The following TBKBP1 variants were observed in gnomAD, a reference collection of about 807,000 sequenced individuals.
TBKBP1 encodes TANK-binding kinase 1-binding protein 1.
Under a neutral mutation model 69.9 loss-of-function variants are expected in TBKBP1, and 47 were observed. The ratio of observed to expected loss-of-function variants is 0.67; its 90% CI spans 0.53 to 0.86. The LOEUF is 0.86. Ranked by LOEUF, TBKBP1 falls within the 40% of genes least tolerant of loss-of-function variation. The probability of loss-of-function intolerance (pLI) is 0.00; values close to 1 mark genes in which losing one functional copy is unlikely to be tolerated. For missense variants in TBKBP1, 831 were observed against 858.6 expected, an observed-to-expected ratio of 0.97 and a Z score of 0.40; for synonymous variants, 418 against 390.3, an observed-to-expected ratio of 1.07 and a Z score of -0.84.
chr17:47,697,081 T>A lies in TBKBP1; in HGVS notation c.349-8T>A, dbSNP rs373424567. On this transcript the variant is annotated splice_polypyrimidine_tract_variant and splice_region_variant and intron_variant, in intron 3 of 9. Transcript: ENST00000578982. ...ACCCTGTGGTGGGGCCCTCTGGGCCTCATCCAGTTACAGAAGAACAAGGAG... is the reference window on the plus strand; with the variant it reads ...ACCCTGTGGTGGGGCCCTCTGGGCCACATCCAGTTACAGAAGAACAAGGAG... 1.2e-6 allele frequency: 2 copies of A among 1,607,306 alleles called. No individual in the cohort carries two copies. The highest frequency in any genetic ancestry group is 1.7e-6 in the Non-Finnish European group (2 of 1,176,890).
At chr17:47,701,140 A>G (rs533407068) in intron 7 of TBKBP1, among the ~76,000 whole-genome samples, 1 of 152,248 alleles carries the variant, frequency 6.6e-6, no homozygotes, top group South Asian at 2.1e-4. Context: ...GCTTCTGGCC[A>G]ACTGGGGATA....
chr17:47,696,603 A>G, intron 2 of TBKBP1, 108 bp from the exon 3 acceptor site: 2 of 1,545,512 alleles, frequency 1.3e-6, no homozygotes, highest in Non-Finnish European at 1.8e-6. Context: ...GCCAAGGAGA[A>G]GGAGGGTCAA....
intron 1 of TBKBP1, chr17:47,694,756 C>T (rs1423377184): frequency 2.0e-5 from 3 of 148,248 alleles, no homozygotes; most frequent in African/African-American, 7.5e-5. Context: ...GCGCGCGGAG[C>T]TGGGGGGAGG....
At position 47,696,824 on chromosome 17, in the gene TBKBP1, C is replaced by A. The variant is rs760641888; in HGVS notation, c.339C>A (p.Phe113Leu). Residue 113 changes from phenylalanine to leucine, a missense_variant, in exon 3 of 10, where the codon TTC (phenylalanine) becomes TTA (leucine). Coordinates refer to ENST00000578982, the MANE Select transcript of TBKBP1 (RefSeq NM_001394755.1). ...GCCTGCAGCAACGGCTCAACCAGTT[C>A]CAGCATGAGGTGAGCCTACCAGGCT... ...KVSLQQRLNQFQHELQKNKEQ... is the reference protein window; with the variant it reads ...KVSLQQRLNQLQHELQKNKEQ... The A allele has an allele frequency of 1.2e-6, 2 of 1,613,814 alleles. No individual in the cohort carries two copies. The highest frequency in any genetic ancestry group is 1.3e-5 in the African/African-American group (1 of 75,058).
chr17:47,696,564 A>G (rs572595135), intron 2 of TBKBP1, 147 bp from the exon 3 acceptor site: 3 of 1,335,520 alleles, frequency 2.2e-6, no homozygotes, highest in South Asian at 2.6e-5. Context: ...GGAGATGGCT[A>G]CAGACCCATG....
At position 47,699,467 on chromosome 17, in the gene TBKBP1, TGAAGCAGC is replaced by T; in HGVS notation, c.783_790del (p.Lys262AlafsTer26). ...GAGTGCGAGCGGCTGCAGGGGGAGC[TGAAGCAGC>T]TGCAGGAGACCCGGGCCCAGGTAAA... On this transcript the variant is annotated frameshift_variant, in exon 6 of 10. Transcript: ENST00000578982. LOFTEE classifies it high-confidence loss of function. The T allele has an allele frequency of 6.4e-7, 1 of 1,574,710 alleles. No individual in the cohort carries two copies. The highest frequency in any genetic ancestry group is 8.6e-7 in the Non-Finnish European group (1 of 1,160,852).
Position 47,699,676 on chromosome 17 carries a change from T to C in TBKBP1, c.851T>C (p.Val284Ala). The C allele has an allele frequency of 6.2e-7, 1 of 1,613,754 alleles. No homozygotes were observed. The highest frequency in any genetic ancestry group is 1.1e-5 in the South Asian group (1 of 91,060). The change falls in exon 7 of 10, where the codon GTG (valine) becomes GCG (alanine). Residue 284 changes from valine (V) to alanine (A), a missense_variant. Transcript: ENST00000578982. ...CAGTCGGAGCGAGACATGGCGTGGG[T>C]GAAAAGAGTTGGGGATGATCAGTAA... is the stretch of plus-strand genomic sequence containing the variant. Reference protein sequence around the residue: ...SNQSERDMAWVKRVGDDQVNL... With the variant: ...SNQSERDMAWAKRVGDDQVNL...
intron 2 of TBKBP1, among the ~76,000 whole-genome samples, 166 bp from the exon 3 acceptor site, chr17:47,696,545 C>T (rs1367253246): frequency 1.3e-5 from 2 of 152,056 alleles, no homozygotes; most frequent in East Asian, 3.9e-4. Flanking sequence ...AAAACAGATC[C>T]GGTGGGTGGG....
intron 7 of TBKBP1, among the ~76,000 whole-genome samples, chr17:47,702,269 T>C (rs2031535782): frequency 6.6e-6 from 1 of 152,146 alleles, no homozygotes; most frequent in Non-Finnish European, 1.5e-5. Flanking sequence ...CAAGTAGGCT[T>C]TTCCGGGAGT....
At position 47,696,128 on chromosome 17, in the gene TBKBP1, G is replaced by A. The variant is rs1298902236; in HGVS notation, c.16G>A (p.Glu6Lys). The change falls in exon 2 of 10, where the codon GAG becomes AAG. Residue 6 changes from glutamate (E) to lysine (K), a missense_variant. Transcript: ENST00000578982. Reference protein sequence around the residue: MESMFEDDISILTQEA... With the variant: MESMFKDDISILTQEA... ...GGCCCTCACCATGGAGTCCATGTTC[G>A]AGGACGACATCAGCATCCTGACGCA... The A allele has an allele frequency of 3.1e-6, 5 of 1,611,710 alleles. No homozygotes were observed. The highest frequency in any genetic ancestry group is 4.2e-6 in the Non-Finnish European group (5 of 1,179,234).
Position 47,699,331 on chromosome 17 carries a change from G to T in TBKBP1, c.646G>T (p.Gly216Cys). 6.5e-7 allele frequency: 1 copy of T among 1,529,216 alleles called. No homozygotes were observed. 94.7% of individuals were successfully genotyped at this position (1,529,216 alleles called of 1,614,324 possible). A position where few individuals can be genotyped will look rare whatever the true frequency, so the allele number is the denominator to read the frequency against. ...GSGLSHAGWP[G>C]STPSVSDLER... is the part of the protein sequence containing the mutation. The stretch of plus-strand genomic sequence containing the variant: ...CTGTCCACCGACAGCAGGCTGGCCG[G>T]GCTCCACACCCAGTGTGAGTGACCT... Residue 216 changes from glycine to cysteine, a missense_variant, in exon 6 of 10, where the codon GGC becomes TGC. Gly to Cys is a radical substitution (Grantham distance 159, BLOSUM62 -3). Transcript: ENST00000578982.
chr17:47,697,042 C>G, intron 3 of TBKBP1, 47 bp from the exon 4 acceptor site: 1 of 1,570,522 alleles, frequency 6.4e-7, no homozygotes, highest in Non-Finnish European at 8.7e-7. Context: ...AACTCCAAGT[C>G]CAGTGTGGGA....
intron 7 of TBKBP1, among the ~76,000 whole-genome samples, chr17:47,701,358 C>CACAG (rs1423974143): frequency 1.3e-5 from 2 of 151,136 alleles, no homozygotes; most frequent in African/African-American, 4.9e-5. Context: ...CACACAGACA[C>CACAG]ACACACACAC....
chr17:47,697,408 G>A (rs993768229), intron 4 of TBKBP1, among the ~76,000 whole-genome samples: 2 of 152,160 alleles, frequency 1.3e-5, no homozygotes, highest in African/African-American at 2.4e-5. Context: ...TCCATGTTGC[G>A]GTGTCTGTGT....
In TBKBP1 at chr17:47,709,360, G is replaced by T; in HGVS notation, c.1627G>T (p.Ala543Ser). The change falls in exon 9 of 10, where the codon GCC (alanine) becomes TCC (serine). Residue 543 changes from alanine (A) to serine (S), a missense_variant. Physicochemically the swap from Ala to Ser is moderately conservative, Grantham distance 99 (BLOSUM62 1). Transcript: ENST00000578982. ...PSPEVGTIRC[A>S]SFCAGFPIPE... ...CCCGGAGGTGGGCACCATCCGCTGC[G>T]CCTCCTTCTGCGCGGGCTTCCCCAT... 1 of 1,527,386 alleles carries T rather than the reference G, an allele frequency of 6.5e-7. No individual in the cohort carries two copies. The highest frequency in any genetic ancestry group is 8.7e-7 in the Non-Finnish European group (1 of 1,143,814). The allele number at this position is 1,527,386 out of a possible 1,614,324, so 94.6% of individuals were successfully genotyped here.
intron 1 of TBKBP1, chr17:47,695,367 CCT>C (rs967332927): frequency 3.3e-5 from 5 of 152,530 alleles, no homozygotes; most frequent in African/African-American, 1.2e-4. Flanking sequence ...GCGCGGGCAC[CCT>C]GAGACAGCCT....
In TBKBP1 at chr17:47,709,394, C is replaced by G; in HGVS notation, c.1661C>G (p.Ser554Trp). 1 of 1,535,030 alleles carries G rather than the reference C, an allele frequency of 6.5e-7. No individual in the cohort carries two copies. The highest frequency in any genetic ancestry group is 8.7e-7 in the Non-Finnish European group (1 of 1,148,302). The change falls in exon 9 of 10, where the codon TCG becomes TGG. Residue 554 changes from serine to tryptophan, a missense_variant. Transcript: ENST00000578982. Reference protein sequence around the residue: ...SFCAGFPIPESPAATAYAHAE... With the variant: ...SFCAGFPIPEWPAATAYAHAE... ...TGCGCGGGCTTCCCCATCCCCGAGT[C>G]GCCCGCCGCCACCGCCTACGCCCAC...
intron 4 of TBKBP1, among the ~76,000 whole-genome samples, 170 bp from the exon 5 acceptor site, chr17:47,698,425 C>T (rs530239541): frequency 1.3e-4 from 20 of 152,328 alleles, no homozygotes; most frequent in South Asian, 8.3e-4. Context: ...GGCAACAGCC[C>T]GCAACAGCTG....
chr17:47,699,477 G>T lies in TBKBP1; in HGVS notation c.792G>T (p.Leu264=). The change falls in exon 6 of 10, where the codon CTG becomes CTT. Residue 264 remains leucine (L), a synonymous_variant. Coordinates refer to ENST00000578982, the MANE Select transcript of TBKBP1 (RefSeq NM_001394755.1). ...CERLQGELKQ[L]QETRAQDLAS... ...GGCTGCAGGGGGAGCTGAAGCAGCT[G>T]CAGGAGACCCGGGCCCAGGTAAATG... The T allele has an allele frequency of 1.3e-6, 2 of 1,577,634 alleles. No homozygotes were observed. The highest frequency in any genetic ancestry group is 1.7e-6 in the Non-Finnish European group (2 of 1,161,606).
Sources: gnomAD v4.1 joint callset for allele counts (sites outside exome capture counted in the v4.1 genomes callset) on GRCh38, gnomAD v4.1.1 for gene constraint, MANE v1.5 for transcripts, NCBI Gene and HGNC (gene_info 2026-07-23, HGNC 2026-07-21) for gene names.